Variants in MTUS1 observed in about 807,000 individuals in gnomAD.
MTUS1 encodes microtubule-associated tumor suppressor 1.
A neutral mutation model predicts 120.8 loss-of-function variants in MTUS1; 109 were observed. That is an observed-to-expected ratio of 0.90 (90% CI 0.77 to 1.06). The LOEUF is 1.06. Among genes scored for constraint, MTUS1 ranks in the 50% least tolerant of loss-of-function variants. MTUS1 has a pLI of 0.00. For synonymous variants in MTUS1, 737 were observed against 550.5 expected (o/e 1.34, Z -4.74); for missense variants, 2,210 against 1,486.3 (o/e 1.49, Z -8.01).
At chr8:17,776,550 A>T (rs1170741897) in intron 1 of MTUS1, among the ~76,000 whole-genome samples, 2 of 151,944 alleles carry the variant, frequency 1.3e-5, no homozygotes, top group Non-Finnish European at 2.9e-5. Context: ...ATTGTGGCAC[A>T]TGTCTGTAGT....
chr8:17,678,647 G>C lies in MTUS1; in HGVS notation c.2839-3395C>G, dbSNP rs146109702. ...TCCCCATCACCCACACAGTGAATTT[G>C]CTCAATGCATCTATGTTTTTTTGTT... On this transcript the variant is annotated intron_variant, in intron 7 of 14. Transcript: ENST00000693296. Among the ~76,000 whole-genome samples the C allele has an allele frequency of 6.6e-3, 999 of 151,404 alleles. 11 individuals are homozygous for C. The highest frequency in any genetic ancestry group is 0.023 in the African/African-American group (937 of 41,228).
chr8:17,767,548 AT>A lies in MTUS1; in HGVS notation c.-154-11588del, dbSNP rs1188362754. Among the ~76,000 whole-genome samples, 117 of 149,792 alleles carry A rather than the reference AT, an allele frequency of 7.8e-4. No homozygotes were observed. The East Asian group carries it at 0.012, about 15-fold the overall frequency. ...CCCATCTCTTTAAAAAAAAAAAAAA[AT>A]CAACCAGGCATGGGGGTGCACACCT... On this transcript the variant is annotated intron_variant, in intron 1 of 14. Coordinates refer to ENST00000693296, the MANE Select transcript of MTUS1 (RefSeq NM_001363059.2).
intron 1 of MTUS1, among the ~76,000 whole-genome samples, chr8:17,788,702 A>G (rs2051514210): frequency 6.6e-6 from 1 of 152,234 alleles, no homozygotes; most frequent in African/African-American, 2.4e-5. Flanking sequence ...GAACAAAAAT[A>G]AAAAGCACAA....
chr8:17,719,549 G>GT (rs1249062821), intron 4 of MTUS1, among the ~76,000 whole-genome samples: 1 of 152,178 alleles, frequency 6.6e-6, no homozygotes, highest in African/African-American at 2.4e-5. Context: ...TCAGAAGTGC[G>GT]TAAGTACTAA....
At chr8:17,748,800 C>G (rs1302338050) in intron 2 of MTUS1, among the ~76,000 whole-genome samples, 21 of 152,176 alleles carry the variant, frequency 1.4e-4, no homozygotes, top group Admixed American at 1.4e-3. Flanking sequence ...ACAGTATTAC[C>G]CACTGCACTA....
chr8:17,722,905 C>G (rs570668367), intron 4 of MTUS1, among the ~76,000 whole-genome samples: 1 of 152,070 alleles, frequency 6.6e-6, no homozygotes, highest in South Asian at 2.1e-4. Context: ...CTGAAGAGAT[C>G]AGTTCGCCAC....
intron 12 of MTUS1, among the ~76,000 whole-genome samples, chr8:17,651,428 T>C (rs375131982): frequency 3.9e-5 from 6 of 152,142 alleles, no homozygotes; most frequent in African/African-American, 7.2e-5. Context: ...CAGTCTATGA[T>C]TGTCTCAACA....
At chr8:17,753,627 T>C in intron 2 of MTUS1, 90 bp downstream of exon 2, 2 of 855,700 alleles carry the variant, frequency 2.3e-6, no homozygotes, top group South Asian at 4.0e-5. Flanking sequence ...TTCTGCAATA[T>C]TATTGACTAA....
At chr8:17,771,429 T>C (rs1021024702) in intron 1 of MTUS1, among the ~76,000 whole-genome samples, 11 of 152,242 alleles carry the variant, frequency 7.2e-5, no homozygotes, top group African/African-American at 2.7e-4. Flanking sequence ...GCAATGAAGT[T>C]TTCAAATCAA....
At chr8:17,789,790 C>G (rs959950593) in intron 1 of MTUS1, among the ~76,000 whole-genome samples, 64 of 152,180 alleles carry the variant, frequency 4.2e-4, no homozygotes, top group African/African-American at 1.4e-3. Context: ...CAACCTCCAA[C>G]CAGGGCCTAT....
Position 17,785,767 on chromosome 8 carries a change from T to A in MTUS1, c.-155+15294A>T, listed in dbSNP as rs984684169. On this transcript the variant is annotated intron_variant, in intron 1 of 14. Transcript: ENST00000693296. ...TGACAAAGGCAGATCTGGAGGGCAG[T>A]TTCTCACCTCTGCAAAGATCAAAGC... Among the ~76,000 whole-genome samples the A allele has an allele frequency of 2.6e-5, 4 of 152,030 alleles. No individual in the cohort carries two copies. In the South Asian group the frequency reaches 8.3e-4, roughly 32 times the overall value.
intron 1 of MTUS1, among the ~76,000 whole-genome samples, chr8:17,789,970 T>C (rs1479743228): frequency 2.6e-5 from 4 of 152,176 alleles, no homozygotes; most frequent in African/African-American, 7.2e-5. Context: ...TCAGTTTCCA[T>C]CTGGGATTAC....
chr8:17,799,925 A>C (rs955906748), intron 1 of MTUS1, among the ~76,000 whole-genome samples: 15 of 151,616 alleles, frequency 9.9e-5, no homozygotes, highest in African/African-American at 3.2e-4. Context: ...TTCCTAATGG[A>C]ATATATTGCC....
chr8:17,660,590 T>C (rs1809461685), intron 8 of MTUS1, among the ~76,000 whole-genome samples: 1 of 152,158 alleles, frequency 6.6e-6, no homozygotes, highest in African/African-American at 2.4e-5. Flanking sequence ...TATTATTAAT[T>C]ATTTGAAGGA....
intron 13 of MTUS1, among the ~76,000 whole-genome samples, chr8:17,648,704 C>T (rs1012632905): frequency 3.3e-5 from 5 of 152,184 alleles, no homozygotes; most frequent in Admixed American, 6.5e-5. Context: ...GAAAACCAAA[C>T]GCCAAACCAA....
chr8:17,664,553 G>T (rs1230838459), intron 8 of MTUS1, among the ~76,000 whole-genome samples: 1 of 150,646 alleles, frequency 6.6e-6, no homozygotes, highest in Non-Finnish European at 1.5e-5. Flanking sequence ...TCTCTTGGCC[G>T]CCTGGGAAAC....
chr8:17,654,808 G>A (rs1331808653), intron 9 of MTUS1, 142 bp from the exon 10 acceptor site: 1 of 631,150 alleles, frequency 1.6e-6, no homozygotes, highest in Non-Finnish European at 2.8e-6. Flanking sequence ...CACATACAAA[G>A]GTCAGGGCAG....
At chr8:17,706,341 AG>A (rs1397697975) in intron 6 of MTUS1, among the ~76,000 whole-genome samples, 3 of 152,194 alleles carry the variant, frequency 2.0e-5, no homozygotes, top group Admixed American at 6.5e-5. Context: ...AACTAGCCCA[AG>A]GTCAGGACAC....
intron 6 of MTUS1, among the ~76,000 whole-genome samples, chr8:17,696,725 G>A (rs535659003): frequency 2.0e-5 from 3 of 152,268 alleles, no homozygotes; most frequent in Non-Finnish European, 2.9e-5. Flanking sequence ...TATGAAGATT[G>A]GAAAACTAGA....
Sources: allele counts gnomAD v4.1 joint callset (sites outside exome capture counted in the v4.1 genomes callset), GRCh38; gene constraint gnomAD v4.1.1; transcripts MANE v1.5; gene names NCBI Gene and HGNC (gene_info 2026-07-23, HGNC 2026-07-21).